The following KCNN2 variants were observed in gnomAD, a reference collection of about 807,000 sequenced individuals.
KCNN2 encodes small conductance calcium-activated potassium channel protein 2.
A neutral mutation model predicts 55.5 loss-of-function variants in KCNN2; 24 were observed. The ratio of observed to expected loss-of-function variants is 0.43; its 90% CI spans 0.31 to 0.61. The LOEUF (loss-of-function observed/expected upper bound fraction) is 0.61. Among genes scored for constraint, KCNN2 ranks in the 20% least tolerant of loss-of-function variants. The pLI is 0.08. For synonymous variants in KCNN2, 431 were observed against 336.1 expected (o/e 1.28, Z -3.09); for missense variants, 754 against 853.6 (o/e 0.88, Z 1.45).
intron 6 of KCNN2, among the ~76,000 whole-genome samples, chr5:114,487,827 CAT>C (rs1180738528): frequency 6.6e-6 from 1 of 152,144 alleles, no homozygotes; most frequent in Non-Finnish European, 1.5e-5. Flanking sequence ...AAGTATTATT[CAT>C]GTGGGTATCG....
intron 1 of KCNN2, among the ~76,000 whole-genome samples, chr5:114,220,310 A>C (rs1279231660): frequency 6.6e-6 from 1 of 152,132 alleles, no homozygotes; most frequent in African/African-American, 2.4e-5. Context: ...GCAATGCTGG[A>C]AAAAATATTT....
intron 2 of KCNN2, among the ~76,000 whole-genome samples, chr5:114,294,420 A>T (rs1475849589): frequency 6.6e-6 from 1 of 152,078 alleles, no homozygotes; most frequent in African/African-American, 2.4e-5. Context: ...TTCAAAGAAC[A>T]TCTTTATTTC....
intron 1 of KCNN2, among the ~76,000 whole-genome samples, chr5:114,097,109 A>G (rs1027688937): frequency 1.3e-5 from 2 of 152,222 alleles, no homozygotes; most frequent in African/African-American, 4.8e-5. Context: ...TATTAGATCC[A>G]AATAGTAGAC....
At chr5:114,275,370 C>T (rs2150010235) in intron 2 of KCNN2, among the ~76,000 whole-genome samples, 1 of 152,204 alleles carries the variant, frequency 6.6e-6, no homozygotes, top group Non-Finnish European at 1.5e-5. Flanking sequence ...GGGAGGATTC[C>T]CTCTTTTTCT....
intron 1 of KCNN2, among the ~76,000 whole-genome samples, chr5:114,088,336 T>G (rs1751060347): frequency 6.6e-6 from 1 of 151,986 alleles, no homozygotes; most frequent in Non-Finnish European, 1.5e-5. Context: ...CTCATTAAGA[T>G]TATGATGTGC....
At position 114,207,658 on chromosome 5, in the gene KCNN2, C is replaced by A. The variant is rs191950145; in HGVS notation, c.-270-13822C>A. Among the ~76,000 whole-genome samples the A allele has an allele frequency of 2.7e-3, 409 of 152,202 alleles. 1 individual carries two copies. Among genetic ancestry groups the A allele is most frequent in the African/African-American group, 9.1e-3 (378 of 41,550 alleles). On this transcript the variant is annotated intron_variant, in intron 1 of 10. Coordinates refer to the KCNN2 transcript ENST00000512097. ...TCCTTGAAAGAAAGGCAATCGAGACCATTTCTAATACACTGCATCTGTCTC... is the reference window on the plus strand; with the variant it reads ...TCCTTGAAAGAAAGGCAATCGAGACAATTTCTAATACACTGCATCTGTCTC...
intron 1 of KCNN2, among the ~76,000 whole-genome samples, chr5:114,166,638 C>T (rs1001675810): frequency 2.0e-5 from 3 of 152,140 alleles, no homozygotes; most frequent in African/African-American, 7.2e-5. Context: ...CTTTCTTCTA[C>T]AACCCATGTA....
At chr5:114,335,369 C>T (rs956028342) in intron 2 of KCNN2, among the ~76,000 whole-genome samples, 8 of 152,160 alleles carry the variant, frequency 5.3e-5, no homozygotes, top group Non-Finnish European at 1.0e-4. Context: ...CTCTCTTTAG[C>T]TTTCAGGACA....
At chr5:114,281,528 A>G (rs1380472999) in intron 2 of KCNN2, among the ~76,000 whole-genome samples, 1 of 147,336 alleles carries the variant, frequency 6.8e-6, no homozygotes, top group Non-Finnish European at 1.5e-5. Context: ...GTTCTGTTTA[A>G]CTGTTGAACC....
At chr5:114,351,822 T>A (rs1757207916) in intron 2 of KCNN2, among the ~76,000 whole-genome samples, 1 of 151,846 alleles carries the variant, frequency 6.6e-6, no homozygotes, top group South Asian at 2.1e-4. Flanking sequence ...GTCATGTATA[T>A]AACTTTGTAT....
chr5:114,483,701 C>T (rs146078748), intron 5 of KCNN2, among the ~76,000 whole-genome samples: 18 of 139,138 alleles, frequency 1.3e-4, no homozygotes, highest in African/African-American at 4.8e-4. Context: ...AGCAAATGTT[C>T]TTATTTTTCA....
chr5:114,404,008 C>T (rs1758865134), intron 2 of KCNN2, among the ~76,000 whole-genome samples: 1 of 152,138 alleles, frequency 6.6e-6, no homozygotes, highest in Middle Eastern at 3.2e-3. Flanking sequence ...TAGGGTATAA[C>T]TGATTGCAGA....
chr5:114,436,016 T>C (rs1759992938), intron 3 of KCNN2, among the ~76,000 whole-genome samples: 1 of 152,198 alleles, frequency 6.6e-6, no homozygotes, highest in Admixed American at 6.5e-5. Flanking sequence ...TTGAACTGAT[T>C]TGCATTGTAA....
chr5:114,063,234 G>A (rs1266162577), intron 1 of KCNN2, among the ~76,000 whole-genome samples: 11 of 152,192 alleles, frequency 7.2e-5, no homozygotes, highest in Admixed American at 5.2e-4. Context: ...AGCCCCAGAT[G>A]ATGATTATCA....
intron 1 of KCNN2, among the ~76,000 whole-genome samples, chr5:114,198,765 G>A (rs369854576): frequency 1.3e-5 from 2 of 151,774 alleles, no homozygotes; most frequent in East Asian, 3.9e-4. Flanking sequence ...TTTATTTCTA[G>A]CTTTTTTCCA....
At chr5:114,355,575 G>A (rs978793306) in intron 2 of KCNN2, among the ~76,000 whole-genome samples, 5 of 152,130 alleles carry the variant, frequency 3.3e-5, no homozygotes, top group African/African-American at 1.2e-4. Flanking sequence ...TCTCCTTGTG[G>A]CGTGCAGCCT....
At chr5:114,355,162 A>T (rs562780684) in intron 2 of KCNN2, among the ~76,000 whole-genome samples, 28 of 152,332 alleles carry the variant, frequency 1.8e-4, no homozygotes, top group African/African-American at 6.3e-4. Context: ...ATTCCCAGAA[A>T]GAGAGAGAAT....
At chr5:114,253,276 G>A (rs1393757676) in intron 2 of KCNN2, among the ~76,000 whole-genome samples, 12 of 152,178 alleles carry the variant, frequency 7.9e-5, no homozygotes, top group East Asian at 1.9e-4. Flanking sequence ...TCTGAAGGGA[G>A]AGGAGGCTAC....
At chr5:114,312,191 C>G (rs2150026230) in intron 2 of KCNN2, among the ~76,000 whole-genome samples, 1 of 151,938 alleles carries the variant, frequency 6.6e-6, no homozygotes, top group East Asian at 1.9e-4. Context: ...CCCCAGCTCT[C>G]TTCTTGCTTC....
Sources: gnomAD v4.1 joint callset for allele counts (sites outside exome capture counted in the v4.1 genomes callset) on GRCh38, gnomAD v4.1.1 for gene constraint, MANE v1.5 for transcripts, NCBI Gene and HGNC (gene_info 2026-07-23, HGNC 2026-07-21) for gene names.